The following DACH1 variants were observed in gnomAD, a reference collection of about 807,000 sequenced individuals.
DACH1 encodes dachshund family transcription factor 1.
In DACH1, 12 loss-of-function variants were observed where a neutral mutation model predicts 54.2. That is an observed-to-expected ratio of 0.22 (90% CI 0.14 to 0.36). DACH1 has a LOEUF of 0.36. Among genes scored for constraint, DACH1 ranks in the 10% least tolerant of loss-of-function variants. DACH1 has a pLI of 1.00. For missense variants in DACH1, 805 were observed against 929.8 expected (o/e 0.87, Z 1.75); for synonymous variants, 386 against 366.2 (o/e 1.05, Z -0.62).
At chr13:71,572,318 T>C (rs1885265187) in intron 4 of DACH1, among the ~76,000 whole-genome samples, 1 of 152,206 alleles carries the variant, frequency 6.6e-6, no homozygotes, top group Non-Finnish European at 1.5e-5. Context: ...ATGAAGTTTA[T>C]ATAACAATAA....
intron 1 of DACH1, among the ~76,000 whole-genome samples, chr13:71,750,865 A>G (rs1320493856): frequency 6.6e-6 from 1 of 152,204 alleles, no homozygotes; most frequent in Non-Finnish European, 1.5e-5. Flanking sequence ...AAACACACAC[A>G]TTGTTGTCCA....
Position 71,475,282 on chromosome 13 carries a change from C to A in DACH1, c.2015-73G>T. The A allele has an allele frequency of 2.4e-6, 3 of 1,234,538 alleles. No homozygotes were observed. The South Asian group carries it at 3.8e-5, about 15-fold the overall frequency. 76.5% of individuals were successfully genotyped at this position (1,234,538 alleles called of 1,614,324 possible). ...ATTGTCCTTTAAAAAAAAAGAGCAACCTGTTACTTTGGTGCTGAATTAAAA... is the reference window on the plus strand; with the variant it reads ...ATTGTCCTTTAAAAAAAAAGAGCAAACTGTTACTTTGGTGCTGAATTAAAA... On this transcript the variant is annotated intron_variant, in intron 9 of 10. Coordinates refer to ENST00000613252, the MANE Select transcript of DACH1 (RefSeq NM_080759.6).
chr13:71,492,445 T>A (rs1879056420), intron 6 of DACH1, among the ~76,000 whole-genome samples: 1 of 151,958 alleles, frequency 6.6e-6, no homozygotes, highest in Non-Finnish European at 1.5e-5. Context: ...TAGGCAGATG[T>A]TAGAATGTTT....
chr13:71,505,877 T>C lies in DACH1; in HGVS notation c.1571-16729A>G, dbSNP rs887836412. ...AAGTGGCATACAGACTGAAAGGCAATTTCCATAAATGACTTAATATTGACT... is the reference window on the plus strand; with the variant it reads ...AAGTGGCATACAGACTGAAAGGCAACTTCCATAAATGACTTAATATTGACT... On this transcript the variant is annotated intron_variant, in intron 6 of 10. Transcript: ENST00000613252. Among the ~76,000 whole-genome samples the C allele has an allele frequency of 3.3e-5, 5 of 152,068 alleles. No homozygotes were observed. In the South Asian group the frequency reaches 6.2e-4, roughly 19 times the overall value.
intron 3 of DACH1, among the ~76,000 whole-genome samples, chr13:71,613,633 T>A (rs769173541): frequency 6.6e-6 from 1 of 152,024 alleles, no homozygotes; most frequent in Non-Finnish European, 1.5e-5. Context: ...CTAGATATGG[T>A]TTGGAGGAAG....
intron 6 of DACH1, among the ~76,000 whole-genome samples, chr13:71,523,733 G>A (rs1007140934): frequency 2.6e-5 from 4 of 151,888 alleles, no homozygotes; most frequent in Admixed American, 2.6e-4. Flanking sequence ...GTGATCACAA[G>A]TTATAAAATC....
At chr13:71,720,968 C>G (rs1279862519) in intron 1 of DACH1, among the ~76,000 whole-genome samples, 1 of 152,148 alleles carries the variant, frequency 6.6e-6, no homozygotes, top group Non-Finnish European at 1.5e-5. Context: ...GCATTTCTCT[C>G]TTACTTGATG....
At chr13:71,607,021 G>A (rs528570336) in intron 3 of DACH1, among the ~76,000 whole-genome samples, 1 of 152,052 alleles carries the variant, frequency 6.6e-6, no homozygotes, top group African/African-American at 2.4e-5. Context: ...TGGGAACAAA[G>A]GAATTCTTTC....
chr13:71,468,283 A>G (rs1028444234), intron 10 of DACH1, among the ~76,000 whole-genome samples: 4 of 152,202 alleles, frequency 2.6e-5, no homozygotes, highest in African/African-American at 7.2e-5. Flanking sequence ...ACTTAACTGT[A>G]TACAAACTAT....
chr13:71,763,164 C>T (rs1885474793), intron 1 of DACH1, among the ~76,000 whole-genome samples: 1 of 152,248 alleles, frequency 6.6e-6, no homozygotes, highest in Non-Finnish European at 1.5e-5. Flanking sequence ...TCACTGATTC[C>T]TTATGACTGC....
chr13:71,671,410 C>A (rs1040390782), intron 2 of DACH1, among the ~76,000 whole-genome samples: 3 of 151,860 alleles, frequency 2.0e-5, no homozygotes, highest in African/African-American at 7.3e-5. Context: ...AAGCATGCAT[C>A]TCAAAAGTAA....
chr13:71,455,594 C>T (rs193078463), intron 10 of DACH1, among the ~76,000 whole-genome samples: 1 of 152,136 alleles, frequency 6.6e-6, no homozygotes, highest in African/African-American at 2.4e-5. Flanking sequence ...GATCATATCA[C>T]GTAACTAGAT....
chr13:71,643,164 T>C (rs942582302), intron 2 of DACH1, among the ~76,000 whole-genome samples: 2 of 152,226 alleles, frequency 1.3e-5, no homozygotes, highest in Non-Finnish European at 2.9e-5. Context: ...AATTACAATA[T>C]TCTAATTGTC....
At chr13:71,611,053 C>T (rs1875291677) in intron 3 of DACH1, among the ~76,000 whole-genome samples, 1 of 152,118 alleles carries the variant, frequency 6.6e-6, no homozygotes, top group East Asian at 1.9e-4. Flanking sequence ...TCGTTGTGAA[C>T]GTTGCATTAT....
intron 2 of DACH1, among the ~76,000 whole-genome samples, chr13:71,643,413 T>C (rs1878045113): frequency 6.6e-6 from 1 of 152,188 alleles, no homozygotes; most frequent in Non-Finnish European, 1.5e-5. Context: ...ATTGCTAAAG[T>C]GCATACTGAA....
chr13:71,706,037 A>C (rs1395307763), intron 1 of DACH1, among the ~76,000 whole-genome samples: 2 of 152,020 alleles, frequency 1.3e-5, no homozygotes, highest in African/African-American at 2.4e-5. Context: ...TCTAGTGATC[A>C]AAACCTTGTC....
intron 6 of DACH1, among the ~76,000 whole-genome samples, chr13:71,538,977 TC>T (rs1882974302): frequency 6.6e-6 from 1 of 152,076 alleles, no homozygotes; most frequent in Non-Finnish European, 1.5e-5. Context: ...AAGTCATCTT[TC>T]ATTCCTCGAT....
chr13:71,706,200 C>G (rs1464150515), intron 1 of DACH1, among the ~76,000 whole-genome samples: 2 of 151,720 alleles, frequency 1.3e-5, no homozygotes, highest in Admixed American at 6.6e-5. Flanking sequence ...GTACAACTTC[C>G]TTGATTTTCT....
chr13:71,544,805 C>T (rs973697573), intron 6 of DACH1, among the ~76,000 whole-genome samples: 9 of 151,966 alleles, frequency 5.9e-5, no homozygotes, highest in African/African-American at 9.7e-5. Context: ...CTTATCAGGG[C>T]CCTCCAGATT....
Sources: gnomAD v4.1 joint callset for allele counts (sites outside exome capture counted in the v4.1 genomes callset) on GRCh38, gnomAD v4.1.1 for gene constraint, MANE v1.5 for transcripts, NCBI Gene and HGNC (gene_info 2026-07-23, HGNC 2026-07-21) for gene names.